Variants in ABCC8 observed in about 807,000 individuals in gnomAD.
ABCC8 encodes ATP-binding cassette sub-family C member 8.
A neutral mutation model predicts 188.0 loss-of-function variants in ABCC8; 137 were observed. The ratio of observed to expected loss-of-function variants is 0.73; its 90% CI spans 0.63 to 0.84. The LOEUF (loss-of-function observed/expected upper bound fraction) is 0.84, where lower values mean the gene tolerates loss of function less well. ABCC8 is among the 40% of genes least tolerant of loss of function. The probability of loss-of-function intolerance (pLI) is 0.00; values close to 1 mark genes in which losing one functional copy is unlikely to be tolerated. For missense variants in ABCC8, 1,750 were observed against 2,072.7 expected, an observed-to-expected ratio of 0.84 and a Z score of 3.02; for synonymous variants, 797 against 846.5, an observed-to-expected ratio of 0.94 and a Z score of 1.01.
chr11:17,446,389 C>T (rs1956531720), intron 8 of ABCC8, among the ~76,000 whole-genome samples: 1 of 152,028 alleles, frequency 6.6e-6, no homozygotes, highest in Non-Finnish European at 1.5e-5. Flanking sequence ...CCCTCACAGC[C>T]CAAAGTGTTA....
At chr11:17,399,544 T>C (rs1402273480) in intron 29 of ABCC8, among the ~76,000 whole-genome samples, 1 of 152,214 alleles carries the variant, frequency 6.6e-6, no homozygotes, top group Non-Finnish European at 1.5e-5. Context: ...CCTTCAGGGC[T>C]TGCCTTAAAT....
In ABCC8 at chr11:17,436,126, C is replaced by A. The variant is rs1381431619; in HGVS notation, c.1631-3882G>T. ...AGCATTTCTGGTACAGAGCTGAGGG[C>A]TAAAGTGGGCTCGGAGGCAATGACA... On this transcript the variant is annotated intron_variant, in intron 10 of 38. Coordinates refer to ENST00000389817, the MANE Select transcript of ABCC8 (RefSeq NM_000352.6). 3 of 784,116 alleles carry A rather than the reference C, an allele frequency of 3.8e-6. No homozygotes were observed. The East Asian group carries it at 7.3e-5, about 19-fold the overall frequency. The allele number at this position is 784,116 out of a possible 1,614,324, so 48.6% of individuals were successfully genotyped here.
chr11:17,415,996 A>G (rs1955055909), intron 17 of ABCC8, among the ~76,000 whole-genome samples: 1 of 152,224 alleles, frequency 6.6e-6, no homozygotes. Flanking sequence ...CCACATATGC[A>G]AACTTGTCAC....
chr11:17,454,276 C>T (rs566072435), intron 6 of ABCC8, among the ~76,000 whole-genome samples: 1 of 152,312 alleles, frequency 6.6e-6, no homozygotes, highest in African/African-American at 2.4e-5. Context: ...GATCTTGGAT[C>T]AGAGCTTCCT....
At chr11:17,397,655 C>A in intron 31 of ABCC8, 29 bp downstream of exon 31, 1 of 1,605,992 alleles carries the variant, frequency 6.2e-7, no homozygotes, top group South Asian at 1.1e-5. Context: ...TGTCTGACCC[C>A]TCCTCTGCCC....
At chr11:17,414,485 T>A in intron 19 of ABCC8, 27 bp downstream of exon 19, 1 of 1,613,826 alleles carries the variant, frequency 6.2e-7, no homozygotes, top group South Asian at 1.1e-5. Flanking sequence ...CCCCTCCACA[T>A]CCTGCCTCCC....
chr11:17,422,669 T>A (rs1403891182), intron 16 of ABCC8, among the ~76,000 whole-genome samples: 1 of 152,094 alleles, frequency 6.6e-6, no homozygotes, highest in Non-Finnish European at 1.5e-5. Flanking sequence ...CTTCCTACAG[T>A]CTGTCTGTCT....
At chr11:17,432,284 G>A (rs1398847483) in intron 10 of ABCC8, 40 bp from the exon 11 acceptor site, 24 of 1,551,650 alleles carry the variant, frequency 1.5e-5, no homozygotes, top group South Asian at 2.4e-5. Flanking sequence ...TGGGAGGAGC[G>A]TGACAGCTAC....
chr11:17,412,566 G>A lies in ABCC8; in HGVS notation c.2556+100C>T. 7 of 1,456,654 alleles carry A rather than the reference G, an allele frequency of 4.8e-6. 1 individual carries two copies. The highest frequency in any genetic ancestry group is 2.4e-5 in the South Asian group (2 of 81,970). 90.2% of individuals were successfully genotyped at this position (1,456,654 alleles called of 1,614,324 possible). On this transcript the variant is annotated intron_variant, in intron 21 of 38. Transcript: ENST00000389817. Reference sequence around the variant, plus strand: ...GCAGGAGGGATTTACTCCTGGAGAGGGAGATTGTTGGATGATGGTGGGGTT... The same window carrying A: ...GCAGGAGGGATTTACTCCTGGAGAGAGAGATTGTTGGATGATGGTGGGGTT...
At position 17,395,631 on chromosome 11, in the gene ABCC8, A is replaced by G. The variant is rs1193232893; in HGVS notation, c.4286T>C (p.Val1429Ala). Residue 1429 changes from valine to alanine, a missense_variant, in exon 35 of 39, where the codon GTC becomes GCC. Transcript: ENST00000389817. ...SRLSIILQDP[V>A]LFSGTIRFNL... ...TCACCGGATGGTGCCGCTGAAGAGG[A>G]CGGGGTCCTGCAGGATGATGGAGAG... The G allele has an allele frequency of 1.9e-6, 3 of 1,556,704 alleles. No homozygotes were observed. The highest frequency in any genetic ancestry group is 2.6e-6 in the Non-Finnish European group (3 of 1,150,914).
At chr11:17,444,656 G>A (rs960333969) in intron 8 of ABCC8, among the ~76,000 whole-genome samples, 2 of 152,162 alleles carry the variant, frequency 1.3e-5, no homozygotes, top group Non-Finnish European at 2.9e-5. Context: ...CATGGATTCT[G>A]AGTGTGCAAA....
chr11:17,424,627 G>T (rs1955502812), intron 16 of ABCC8, among the ~76,000 whole-genome samples: 1 of 152,214 alleles, frequency 6.6e-6, no homozygotes, highest in South Asian at 2.1e-4. Context: ...AGTGGGTTTT[G>T]ACATCCATGC....
At chr11:17,401,467 G>C (rs1954239659) in intron 29 of ABCC8, among the ~76,000 whole-genome samples, 1 of 152,178 alleles carries the variant, frequency 6.6e-6, no homozygotes, top group South Asian at 2.1e-4. Flanking sequence ...AGGGTGGGCA[G>C]AGGGGCCTGG....
At chr11:17,436,388 G>C (rs747095716) in intron 10 of ABCC8, among the ~76,000 whole-genome samples, 4 of 152,080 alleles carry the variant, frequency 2.6e-5, no homozygotes, top group Non-Finnish European at 5.9e-5. Flanking sequence ...GCATACAGCT[G>C]TCATGGGTTG....
Position 17,411,891 on chromosome 11 carries a change from C to CTT in ABCC8, c.2556+773_2556+774dup, listed in dbSNP as rs1262103548. 6.8e-3 allele frequency among the ~76,000 whole-genome samples: 835 copies of CTT among 122,940 alleles called. 25 individuals are homozygous for CTT. The highest frequency in any genetic ancestry group is 0.023 in the African/African-American group (753 of 32,118). 80.7% of individuals were successfully genotyped at this position (122,940 alleles called of 152,430 possible). A position where few individuals can be genotyped will look rare whatever the true frequency, so the allele number is the denominator to read the frequency against. On this transcript the variant is annotated intron_variant, in intron 21 of 38. Coordinates refer to ENST00000389817, the MANE Select transcript of ABCC8 (RefSeq NM_000352.6). The stretch of plus-strand genomic sequence containing the variant: ...GTAGTGTAAGGATTGCGAATACGTT[C>CTT]TTTTTTTTTTTTTTTTTTTTGAGAC...
Position 17,476,681 on chromosome 11 carries a change from G to C in ABCC8, c.96C>G (p.Asn32Lys). 1 of 1,612,186 alleles carries C rather than the reference G, an allele frequency of 6.2e-7. No individual in the cohort carries two copies. Among genetic ancestry groups the C allele is most frequent in the Non-Finnish European group, 8.5e-7 (1 of 1,179,366 alleles). The change falls in exon 1 of 39, where the codon AAC (asparagine) becomes AAG (lysine). Residue 32 changes from asparagine (N) to lysine (K), a missense_variant. Transcript: ENST00000389817. ...LNNGCFVDALNVVPHVFLLFI... is the reference protein window; with the variant it reads ...LNNGCFVDALKVVPHVFLLFI... ...AGAGTAGGAAGACGTGCGGCACCACGTTGAGCGCGTCCACAAAGCAGCCGT... is the reference window on the plus strand; with the variant it reads ...AGAGTAGGAAGACGTGCGGCACCACCTTGAGCGCGTCCACAAAGCAGCCGT...
intron 38 of ABCC8, 165 bp from the exon 39 acceptor site, chr11:17,393,293 C>T: frequency 1.1e-6 from 1 of 934,314 alleles, no homozygotes; most frequent in Admixed American, 2.2e-5. Flanking sequence ...GATGTGACTA[C>T]AAGCTCTCCA....
chr11:17,454,830 C>A (rs1478799235), intron 6 of ABCC8, among the ~76,000 whole-genome samples: 1 of 152,188 alleles, frequency 6.6e-6, no homozygotes, highest in African/African-American at 2.4e-5. Flanking sequence ...GACCCACTGT[C>A]TAGGCCTCGT....
chr11:17,473,012 T>C lies in ABCC8; in HGVS notation c.290+1874A>G, dbSNP rs144592123. On this transcript the variant is annotated intron_variant, in intron 2 of 38. Coordinates refer to ENST00000389817, the MANE Select transcript of ABCC8 (RefSeq NM_000352.6). ...GCCTCTTTACTCCTTGAAATAATTTTGAAACACCTTATACTTTCTCACACA... is the reference window on the plus strand; with the variant it reads ...GCCTCTTTACTCCTTGAAATAATTTCGAAACACCTTATACTTTCTCACACA... Among the ~76,000 whole-genome samples the C allele has an allele frequency of 3.5e-4, 53 of 152,328 alleles. No homozygotes were observed. In the East Asian group the frequency reaches 9.5e-3, roughly 27 times the overall value.
Sources: gnomAD v4.1 joint callset for allele counts (sites outside exome capture counted in the v4.1 genomes callset) on GRCh38, gnomAD v4.1.1 for gene constraint, MANE v1.5 for transcripts, NCBI Gene and HGNC (gene_info 2026-07-23, HGNC 2026-07-21) for gene names.